MAD1L1: variants seen among roughly 807,000 people sequenced by gnomAD.
MAD1L1 encodes mitotic spindle assembly checkpoint protein MAD1.
A neutral mutation model predicts 96.9 loss-of-function variants in MAD1L1; 95 were observed. That is an observed-to-expected ratio of 0.98 (90% CI 0.83 to 1.16). The LOEUF is 1.16. MAD1L1 is among the 50% of genes most tolerant of loss of function. MAD1L1 has a pLI of 0.00. For missense variants in MAD1L1, 1,007 were observed against 954.4 expected (o/e 1.06, Z -0.73); for synonymous variants, 473 against 396.6 (o/e 1.19, Z -2.29).
intron 12 of MAD1L1, among the ~76,000 whole-genome samples, chr7:2,054,777 AG>A (rs1227199620): frequency 6.6e-6 from 1 of 152,190 alleles, no homozygotes; most frequent in Non-Finnish European, 1.5e-5. Context: ...GCACCGATCC[AG>A]GTGTACGTGG....
At chr7:1,981,825 G>A in intron 14 of MAD1L1, among the ~76,000 whole-genome samples, 1 of 152,172 alleles carries the variant, frequency 6.6e-6, no homozygotes, top group East Asian at 1.9e-4. Flanking sequence ...TGTGCAACAG[G>A]GCAGGATATG....
intron 18 of MAD1L1, among the ~76,000 whole-genome samples, chr7:1,878,681 G>A (rs924324995): frequency 2.6e-5 from 4 of 150,984 alleles, no homozygotes; most frequent in Non-Finnish European, 5.9e-5. Flanking sequence ...GCATACTAAT[G>A]TCAAAATACT....
rs138009471 is a variant in MAD1L1 at position 1,915,285 on chromosome 7, C to T, written c.1808-16895G>A. Among the ~76,000 whole-genome samples, 876 of 152,264 alleles carry T rather than the reference C, an allele frequency of 5.8e-3. 7 individuals carry two copies. Among genetic ancestry groups the T allele is most frequent in the African/African-American group, 0.02 (821 of 41,538 alleles). On this transcript the variant is annotated intron_variant, in intron 17 of 18. Transcript: ENST00000265854. ...ACAGTAGCACCTTGGAGCGGAAGTG[C>T]TACAGAGAACCGCAGCCGGGAGGGA...
chr7:1,833,702 AG>A (rs1782813318), intron 18 of MAD1L1, among the ~76,000 whole-genome samples: 1 of 152,248 alleles, frequency 6.6e-6, no homozygotes, highest in Non-Finnish European at 1.5e-5. Context: ...GCACTTTGGG[AG>A]GCCGAGGCAG....
At chr7:2,124,041 C>G (rs1323306787) in intron 11 of MAD1L1, among the ~76,000 whole-genome samples, 1 of 152,232 alleles carries the variant, frequency 6.6e-6, no homozygotes, top group Non-Finnish European at 1.5e-5. Flanking sequence ...GGCTCCTCCT[C>G]TAGACGGGGA....
chr7:1,850,257 G>C (rs1415903551), intron 18 of MAD1L1, among the ~76,000 whole-genome samples: 1 of 152,104 alleles, frequency 6.6e-6, no homozygotes, highest in Non-Finnish European at 1.5e-5. Flanking sequence ...AGGTCCCGAG[G>C]GCCCCTCTGG....
chr7:2,136,745 T>C (rs1194922553), intron 11 of MAD1L1, among the ~76,000 whole-genome samples: 1 of 152,218 alleles, frequency 6.6e-6, no homozygotes, highest in African/African-American at 2.4e-5. Context: ...ACTGATTTTA[T>C]GTTCTGCCAA....
At chr7:1,891,029 C>T (rs1384041752) in intron 18 of MAD1L1, among the ~76,000 whole-genome samples, 1 of 152,206 alleles carries the variant, frequency 6.6e-6, no homozygotes, top group Non-Finnish European at 1.5e-5. Context: ...GGCTCTGCGC[C>T]ACCTCCCCTT....
At chr7:2,231,675 T>C (rs1202410684) in intron 1 of MAD1L1, among the ~76,000 whole-genome samples, 1 of 152,082 alleles carries the variant, frequency 6.6e-6, no homozygotes, top group Non-Finnish European at 1.5e-5. Flanking sequence ...CATGCAACAG[T>C]GACAGTAAAG....
chr7:2,098,809 G>A (rs1786632395), intron 11 of MAD1L1, among the ~76,000 whole-genome samples: 1 of 152,218 alleles, frequency 6.6e-6, no homozygotes, highest in Non-Finnish European at 1.5e-5. Flanking sequence ...ACGCACCAAG[G>A]CCCGGCGTCC....
At position 1,983,148 on chromosome 7, in the gene MAD1L1, G is replaced by A. The variant is rs62442946; in HGVS notation, c.1417-2607C>T. On this transcript the variant is annotated intron_variant, in intron 14 of 18. Transcript: ENST00000265854. The stretch of plus-strand genomic sequence containing the variant: ...CACCCACAGACGCGCGCGCGCGCGC[G>A]CGCGCGCACACACACACACACACAC... Among the ~76,000 whole-genome samples, 105 of 41,578 alleles carry A rather than the reference G, an allele frequency of 2.5e-3. 2 individuals are homozygous for A. Among genetic ancestry groups the A allele is most frequent in the Admixed American group, 0.015 (75 of 4,872 alleles). 27.3% of individuals were successfully genotyped at this position (41,578 alleles called of 152,430 possible). A position where few individuals can be genotyped will look rare whatever the true frequency, so the allele number is the denominator to read the frequency against.
chr7:2,121,009 G>C (rs1408510412), intron 11 of MAD1L1, among the ~76,000 whole-genome samples: 1 of 152,204 alleles, frequency 6.6e-6, no homozygotes, highest in African/African-American at 2.4e-5. Context: ...AGGTGGACTC[G>C]AGGGAGATGG....
chr7:2,134,962 A>G (rs749209932), intron 11 of MAD1L1, among the ~76,000 whole-genome samples: 4 of 152,346 alleles, frequency 2.6e-5, no homozygotes, highest in Non-Finnish European at 5.9e-5. Context: ...TACATGAGTC[A>G]CCGTTTCCAG....
At chr7:2,122,348 C>G (rs1326175877) in intron 11 of MAD1L1, among the ~76,000 whole-genome samples, 1 of 152,218 alleles carries the variant, frequency 6.6e-6, no homozygotes, top group East Asian at 1.9e-4. Flanking sequence ...CAATCCCTGG[C>G]TGGGTGCAGT....
chr7:1,941,768 C>T (rs1037499612), intron 16 of MAD1L1, among the ~76,000 whole-genome samples: 9 of 152,226 alleles, frequency 5.9e-5, no homozygotes, highest in South Asian at 2.1e-4. Flanking sequence ...GGGGCTGGAG[C>T]GACCTGCGAT....
chr7:1,820,222 A>G (rs1782052770), intron 18 of MAD1L1, among the ~76,000 whole-genome samples: 1 of 149,958 alleles, frequency 6.7e-6, no homozygotes, highest in Admixed American at 6.6e-5. Flanking sequence ...GAAATAAAAA[A>G]GAGAACAGAA....
rs999951405 is a variant in MAD1L1, at chr7:1,939,730, G to T, written c.1597-2833C>A. ...CCACGCTCTCAGGAGAGGCCGGTGT[G>T]GACACACCCCACGGGGTGAAGAGAC... On this transcript the variant is annotated intron_variant, in intron 16 of 18. Transcript: ENST00000265854. 2.6e-5 allele frequency among the ~76,000 whole-genome samples: 4 copies of T among 152,354 alleles called. No individual in the cohort carries two copies. In the South Asian group the frequency reaches 8.3e-4, roughly 32 times the overall value.
At chr7:2,029,492 C>A (rs1783124202) in intron 12 of MAD1L1, among the ~76,000 whole-genome samples, 1 of 152,182 alleles carries the variant, frequency 6.6e-6, no homozygotes, top group South Asian at 2.1e-4. Context: ...CTGATTTCAT[C>A]ATAGCCCTCT....
intron 18 of MAD1L1, among the ~76,000 whole-genome samples, chr7:1,863,958 C>T (rs1480925153): frequency 2.0e-5 from 3 of 152,130 alleles, no homozygotes; most frequent in South Asian, 2.1e-4. Context: ...CATGGTGGCA[C>T]GCACCTGTAA....
Sources: gnomAD v4.1 joint callset for allele counts (sites outside exome capture counted in the v4.1 genomes callset) on GRCh38, gnomAD v4.1.1 for gene constraint, MANE v1.5 for transcripts, NCBI Gene and HGNC (gene_info 2026-07-23, HGNC 2026-07-21) for gene names.